SYT16: variants seen among roughly 807,000 people sequenced by gnomAD.
SYT16 encodes the protein synaptotagmin 16, also known as synaptotagmin-16.
A neutral mutation model predicts 61.4 loss-of-function variants in SYT16; 42 were observed. That is an observed-to-expected ratio of 0.68 (90% CI 0.53 to 0.89). SYT16 has a LOEUF of 0.89. Ranked by LOEUF, SYT16 falls within the 40% of genes least tolerant of loss-of-function variation. The probability of loss-of-function intolerance (pLI) is 0.00; values close to 1 mark genes in which losing one functional copy is unlikely to be tolerated. For synonymous variants in SYT16, 314 were observed against 302.3 expected, an observed-to-expected ratio of 1.04 and a Z score of -0.40; for missense variants, 804 against 807.3, an observed-to-expected ratio of 1.00 and a Z score of 0.05.
At chr14:62,082,090 G>C (rs924026649) in intron 6 of SYT16, among the ~76,000 whole-genome samples, 1 of 152,128 alleles carries the variant, frequency 6.6e-6, no homozygotes. Context: ...TCTTTGAGGT[G>C]GTGATAAAAC....
Position 62,075,147 on chromosome 14 carries a change from C to A in SYT16, c.749C>A (p.Ala250Asp), listed in dbSNP as rs1168046239. The A allele has an allele frequency of 6.2e-7, 1 of 1,606,296 alleles. No individual in the cohort carries two copies. The highest frequency in any genetic ancestry group is 8.5e-7 in the Non-Finnish European group (1 of 1,174,954). Residue 250 changes from alanine (A) to aspartate (D), a missense_variant, in exon 5 of 8, where the codon GCC (alanine) becomes GAC (aspartate). Coordinates refer to ENST00000683842, the MANE Select transcript of SYT16 (RefSeq NM_001367656.1). ...EVSACEDLDG[A>D]SQRRYSENLS... The stretch of plus-strand genomic sequence containing the variant: ...ATTGCAAATTTAGATTTGGATGGAG[C>A]CAGCCAACGGCGTTATTCTGAGAAT...
In SYT16 at chr14:61,936,656, C is replaced by A. The variant is rs531093251; in HGVS notation, c.-324-33476C>A. Reference sequence around the variant, plus strand: ...TTCTCTCTTCATTTTCCACATCCCCCGGACTTTCTCTCTGCTCCCTGTGCC... The same window carrying A: ...TTCTCTCTTCATTTTCCACATCCCCAGGACTTTCTCTCTGCTCCCTGTGCC... On this transcript the variant is annotated intron_variant, in intron 1 of 7. Transcript: ENST00000683842. Among the ~76,000 whole-genome samples, 4 of 152,256 alleles carry A rather than the reference C, an allele frequency of 2.6e-5. No individual in the cohort carries two copies. In the East Asian group the frequency reaches 7.7e-4, roughly 29 times the overall value.
intron 1 of SYT16, among the ~76,000 whole-genome samples, chr14:61,938,905 C>T (rs529105431): frequency 4.6e-5 from 7 of 152,270 alleles, no homozygotes; most frequent in South Asian, 2.1e-4. Context: ...GAGGCCAAGG[C>T]GGGCGGATCA....
intron 7 of SYT16, among the ~76,000 whole-genome samples, chr14:62,088,713 A>G (rs889115300): frequency 1.3e-5 from 2 of 152,198 alleles, no homozygotes; most frequent in African/African-American, 4.8e-5. Flanking sequence ...TACAATTAAA[A>G]TGGATTAATG....
intron 1 of SYT16, among the ~76,000 whole-genome samples, chr14:61,847,871 G>T (rs72716781): frequency 2.0e-5 from 3 of 152,066 alleles, no homozygotes; most frequent in Non-Finnish European, 2.9e-5. Context: ...TATGTCAATT[G>T]TAGTTTTTCA....
At chr14:62,000,939 G>T (rs534328129) in intron 3 of SYT16, among the ~76,000 whole-genome samples, 1 of 152,050 alleles carries the variant, frequency 6.6e-6, no homozygotes, top group Admixed American at 6.6e-5. Context: ...TCTTAGAATG[G>T]TTAAAATAAG....
chr14:62,095,252 C>T (rs2057231774), intron 7 of SYT16, among the ~76,000 whole-genome samples: 2 of 151,700 alleles, frequency 1.3e-5, no homozygotes, highest in African/African-American at 4.8e-5. Context: ...GGATTCCCAC[C>T]AGTAGTTTTG....
intron 1 of SYT16, among the ~76,000 whole-genome samples, chr14:61,833,663 A>C (rs1223732212): frequency 6.9e-6 from 1 of 145,876 alleles, no homozygotes; most frequent in Non-Finnish European, 1.5e-5. Context: ...TGTGATCCCA[A>C]AGTGCTGGGA....
At chr14:61,892,390 C>G (rs1157916610) in intron 1 of SYT16, among the ~76,000 whole-genome samples, 1 of 152,146 alleles carries the variant, frequency 6.6e-6, no homozygotes, top group African/African-American at 2.4e-5. Flanking sequence ...TTTGTCCCCA[C>G]TGCTCCCCTG....
In SYT16 at chr14:62,100,904, C is replaced by T. The variant is rs1334357077; in HGVS notation, c.*197C>T. On this transcript the variant is annotated 3_prime_UTR_variant, in exon 8 of 8. Transcript: ENST00000683842. ...TATTGTAATTTTAAAAACACACATA[C>T]ACAGTGAAGTGTCCGTATGGAAAAT... 7 of 578,914 alleles carry T rather than the reference C, an allele frequency of 1.2e-5. No homozygotes were observed. The highest frequency in any genetic ancestry group is 8.7e-5 in the East Asian group (3 of 34,394). The allele number at this position is 578,914 out of a possible 1,614,324, so 35.9% of individuals were successfully genotyped here. A position where few individuals can be genotyped will look rare whatever the true frequency, so the allele number is the denominator to read the frequency against.
intron 3 of SYT16, among the ~76,000 whole-genome samples, chr14:62,053,527 C>T (rs1029898536): frequency 6.6e-6 from 1 of 152,190 alleles, no homozygotes; most frequent in Non-Finnish European, 1.5e-5. Context: ...TTTCTATACA[C>T]ATTTATATCC....
chr14:62,069,413 A>T, intron 3 of SYT16, 190 bp from the exon 4 acceptor site: 1 of 600,720 alleles, frequency 1.7e-6, no homozygotes, highest in East Asian at 2.8e-5. Flanking sequence ...AATTACCTTC[A>T]TGAGCATTCT....
intron 1 of SYT16, among the ~76,000 whole-genome samples, chr14:61,881,354 A>C (rs1301966408): frequency 6.6e-6 from 1 of 152,124 alleles, no homozygotes; most frequent in Non-Finnish European, 1.5e-5. Flanking sequence ...CATGGTCTCT[A>C]CTTCCTCACT....
intron 1 of SYT16, among the ~76,000 whole-genome samples, chr14:61,854,490 T>C (rs566319614): frequency 5.4e-4 from 82 of 152,342 alleles, no homozygotes; most frequent in African/African-American, 1.9e-3. Context: ...ACTATTACTA[T>C]AGTAAGAAAT....
intron 1 of SYT16, among the ~76,000 whole-genome samples, chr14:61,867,659 C>T (rs1459904803): frequency 6.6e-6 from 1 of 152,000 alleles, no homozygotes; most frequent in African/African-American, 2.4e-5. Context: ...AAAAACAATA[C>T]TATTTACATC....
At chr14:62,046,986 T>C (rs1425646442) in intron 3 of SYT16, among the ~76,000 whole-genome samples, 1 of 152,252 alleles carries the variant, frequency 6.6e-6, no homozygotes, top group African/African-American at 2.4e-5. Flanking sequence ...TCCAATTCTG[T>C]GAAGAAAGTC....
At chr14:61,903,264 C>CTT (rs57869503) in intron 1 of SYT16, among the ~76,000 whole-genome samples, 5 of 144,404 alleles carry the variant, frequency 3.5e-5, no homozygotes, top group African/African-American at 1.0e-4. Flanking sequence ...TTCATTATGT[C>CTT]TTTTTTTTTT....
chr14:62,062,675 C>T (rs1033897194), intron 3 of SYT16, among the ~76,000 whole-genome samples: 9 of 152,188 alleles, frequency 5.9e-5, no homozygotes, highest in Middle Eastern at 3.4e-3. Flanking sequence ...TCTTTGATCT[C>T]CCTTCTGCTT....
intron 1 of SYT16, among the ~76,000 whole-genome samples, chr14:61,941,733 G>T (rs77835462): frequency 0.084 from 12,709 of 152,126 alleles, 726 homozygotes; most frequent in African/African-American, 0.16. Context: ...TTTCCCAAAT[G>T]GACAAACCCC....
Sources: allele counts gnomAD v4.1 joint callset (sites outside exome capture counted in the v4.1 genomes callset), GRCh38; gene constraint gnomAD v4.1.1; transcripts MANE v1.5; gene names NCBI Gene and HGNC (gene_info 2026-07-23, HGNC 2026-07-21).